The following ASIP variants were observed in gnomAD, a reference collection of about 807,000 sequenced individuals.
ASIP encodes agouti-signaling protein.
Under a neutral mutation model 10.3 loss-of-function variants are expected in ASIP, and 11 were observed. That is an observed-to-expected ratio of 1.07 (90% CI 0.68 to 1.78). ASIP has a LOEUF of 1.78. Ranked by LOEUF, ASIP falls within the 40% of genes most tolerant of loss-of-function variation. The pLI is 0.00. For synonymous variants in ASIP, 70 were observed against 70.8 expected (o/e 0.99, Z 0.06); for missense variants, 180 against 169.2 (o/e 1.06, Z -0.35).
At chr20:34,206,934 C>T (rs552439464) in intron 1 of ASIP, among the ~76,000 whole-genome samples, 5 of 152,200 alleles carry the variant, frequency 3.3e-5, no homozygotes, top group South Asian at 2.1e-4. Flanking sequence ...TTCATATCTT[C>T]GTTATTGTGA....
chr20:34,196,173 C>CTTTTTTTTTTTCT (rs2034854937), intron 1 of ASIP, among the ~76,000 whole-genome samples: 3 of 83,706 alleles, frequency 3.6e-5, no homozygotes, highest in African/African-American at 1.5e-4. Flanking sequence ...AGGGAGATTT[C>CTTTTTTTTTTTCT]TTTTTTTTTT....
upstream of ASIP, among the ~76,000 whole-genome samples, chr20:34,240,177 G>C (rs2035265815): frequency 8.5e-5 from 13 of 152,172 alleles, no homozygotes; most frequent in Admixed American, 8.5e-4. Flanking sequence ...GAAGCATTTG[G>C]GAGCTGGCAA....
chr20:34,187,206 G>A, the ASIP span, among the ~76,000 whole-genome samples: 1 of 152,208 alleles, frequency 6.6e-6, no homozygotes, highest in South Asian at 2.1e-4. Flanking sequence ...GATCCACAAA[G>A]GGGTGTGAGA....
chr20:34,268,886 A>C, intron 3 of ASIP, 105 bp from the exon 4 acceptor site: 2 of 1,416,662 alleles, frequency 1.4e-6, no homozygotes, highest in Admixed American at 2.1e-5. Context: ...CCAGCGGGGA[A>C]ACCTCTGGTC....
At chr20:34,187,674 A>G in the ASIP span, among the ~76,000 whole-genome samples, 2 of 152,238 alleles carry the variant, frequency 1.3e-5, no homozygotes, top group Non-Finnish European at 2.9e-5. Flanking sequence ...GATATATTAC[A>G]GTGGATACAA....
At chr20:34,252,322 A>C (rs2035490417) in intron 1 of ASIP, among the ~76,000 whole-genome samples, 1 of 152,106 alleles carries the variant, frequency 6.6e-6, no homozygotes, top group Admixed American at 6.6e-5. Flanking sequence ...TAGTGAGGGG[A>C]GTGTAGCAGG....
chr20:34,263,065 C>G (rs1290349782), intron 3 of ASIP, among the ~76,000 whole-genome samples, 172 bp downstream of exon 3: 3 of 152,058 alleles, frequency 2.0e-5, no homozygotes, highest in Admixed American at 2.0e-4. Context: ...AGCCAGACAC[C>G]CACAGAAGCC....
intron 1 of ASIP, among the ~76,000 whole-genome samples, chr20:34,235,847 A>AAGAT (rs1568756063): frequency 1.9e-4 from 9 of 46,372 alleles, no homozygotes; most frequent in African/African-American, 2.8e-4. Flanking sequence ...GAAAGAAGGA[A>AAGAT]GGAAGGAAGG....
upstream of ASIP, among the ~76,000 whole-genome samples, chr20:34,238,384 T>C (rs1442336903): frequency 6.6e-6 from 1 of 152,176 alleles, no homozygotes; most frequent in East Asian, 1.9e-4. Flanking sequence ...TTTTCATGGT[T>C]CTATCTTCAA....
At chr20:34,267,481 A>AAAAAAAAAAC in intron 3 of ASIP, among the ~76,000 whole-genome samples, 1 of 151,414 alleles carries the variant, frequency 6.6e-6, no homozygotes, top group African/African-American at 2.4e-5. Flanking sequence ...AAAAAAAAAA[A>AAAAAAAAAAC]AAGAACTGTG....
chr20:34,187,449 G>A, the ASIP span, among the ~76,000 whole-genome samples: 1 of 152,202 alleles, frequency 6.6e-6, no homozygotes, highest in Non-Finnish European at 1.5e-5. Flanking sequence ...GGCCAAGTGT[G>A]TAAGGTTTGT....
At chr20:34,225,687 A>C (rs1485307578) in intron 1 of ASIP, among the ~76,000 whole-genome samples, 5 of 152,076 alleles carry the variant, frequency 3.3e-5, no homozygotes, top group Non-Finnish European at 7.4e-5. Context: ...CCGCTGATTC[A>C]TGTTTTTTCT....
chr20:34,213,106 C>T lies in ASIP; in HGVS notation c.-11+18346C>T, dbSNP rs183319675. Among the ~76,000 whole-genome samples, 82 of 152,306 alleles carry T rather than the reference C, an allele frequency of 5.4e-4. 1 individual carries two copies. Among genetic ancestry groups the T allele is most frequent in the Non-Finnish European group, 1.8e-4 (12 of 68,022 alleles). ...AGGTGATTAGGCCATGAGGACTCCA[C>T]GCTTGTGAATAGACCTAATGCTGCT... On this transcript the variant is annotated intron_variant, in intron 1 of 3. Transcript: ENST00000568305.
intron 1 of ASIP, chr20:34,246,390 G>A (rs1260671817): frequency 4.3e-6 from 6 of 1,407,828 alleles, no homozygotes; most frequent in Non-Finnish European, 3.9e-6. Flanking sequence ...TGTTTACAAT[G>A]AGCAACATCA....
At chr20:34,221,155 G>A (rs1223225512) in intron 1 of ASIP, among the ~76,000 whole-genome samples, 1 of 151,654 alleles carries the variant, frequency 6.6e-6, no homozygotes, top group South Asian at 2.1e-4. Context: ...GAGGCGGGTG[G>A]ATCACGAGGT....
At chr20:34,226,426 C>T (rs796409846) in intron 1 of ASIP, among the ~76,000 whole-genome samples, 45 of 152,182 alleles carry the variant, frequency 3.0e-4, no homozygotes, top group African/African-American at 1.1e-3. Context: ...GACTTTGGCT[C>T]ACTGCAACTT....
In ASIP at chr20:34,264,445, C is replaced by G. The variant is rs563359383; in HGVS notation, c.222+1552C>G. Among the ~76,000 whole-genome samples, 5 of 152,278 alleles carry G rather than the reference C, an allele frequency of 3.3e-5. No homozygotes were observed. The South Asian group carries it at 8.3e-4, about 25-fold the overall frequency. On this transcript the variant is annotated intron_variant, in intron 3 of 3. Coordinates refer to ENST00000374954, the MANE Select transcript of ASIP (RefSeq NM_001672.3). ...TCCCTCAAGGTTCTCGTGTATTTTT[C>G]AATGTGTTTAATGCAATATTGTAAA...
At chr20:34,254,070 G>GT (rs1183681869) in intron 1 of ASIP, among the ~76,000 whole-genome samples, 2,117 of 147,306 alleles carry the variant, frequency 0.014, 48 homozygotes, top group African/African-American at 0.047. Flanking sequence ...GTTTTGTTTC[G>GT]TTTTTTTTTT....
At chr20:34,257,332 G>A (rs541461707) in intron 1 of ASIP, among the ~76,000 whole-genome samples, 2 of 151,940 alleles carry the variant, frequency 1.3e-5, no homozygotes, top group South Asian at 2.1e-4. Flanking sequence ...TGATCCATTC[G>A]CTTCAGCCTC....
Sources: allele counts gnomAD v4.1 joint callset (sites outside exome capture counted in the v4.1 genomes callset), GRCh38; gene constraint gnomAD v4.1.1; transcripts MANE v1.5; gene names NCBI Gene and HGNC (gene_info 2026-07-23, HGNC 2026-07-21).